Variants in CSMD1 observed in about 807,000 individuals in gnomAD.
The protein encoded by CSMD1 is CUB and Sushi multiple domains 1.
CSMD1 carries 213 observed loss-of-function variants against 417.5 expected under a neutral mutation model. The ratio of observed to expected loss-of-function variants is 0.51; its 90% CI spans 0.46 to 0.57. CSMD1 has a LOEUF of 0.57. CSMD1 is among the 20% of genes least tolerant of loss of function. The pLI is 0.00. For synonymous variants in CSMD1, 2,862 were observed against 1,736.8 expected (o/e 1.65, Z -16.11); for missense variants, 6,923 against 4,529.7 (o/e 1.53, Z -15.17).
At chr8:3,878,666 C>T (rs893385931) in intron 5 of CSMD1, among the ~76,000 whole-genome samples, 2 of 152,156 alleles carry the variant, frequency 1.3e-5, no homozygotes, top group Non-Finnish European at 2.9e-5. Context: ...TAAGTAGTTT[C>T]ATATTCAACT....
chr8:4,978,543 T>C (rs1810695459), intron 1 of CSMD1, among the ~76,000 whole-genome samples: 2 of 152,278 alleles, frequency 1.3e-5, no homozygotes, highest in South Asian at 4.1e-4. Context: ...GCCAAGTAAA[T>C]AAATTAACTA....
chr8:4,354,627 T>G (rs986974972), intron 3 of CSMD1, among the ~76,000 whole-genome samples: 1 of 152,142 alleles, frequency 6.6e-6, no homozygotes, highest in African/African-American at 2.4e-5. Context: ...AGAACGTGTC[T>G]ACTCAAAAAA....
rs116987104 is a variant in CSMD1 at position 3,717,864 on chromosome 8, C to T, written c.932-9373G>A. Among the ~76,000 whole-genome samples the T allele has an allele frequency of 7.0e-3, 1,064 of 152,116 alleles. 6 individuals are homozygous for T. Among genetic ancestry groups the T allele is most frequent in the South Asian group, 0.016 (78 of 4,816 alleles). ...CACTTACTACAATTGTACATTACAC[C>T]AATCACCTATCAAATTCTGCTCAGT... On this transcript the variant is annotated intron_variant, in intron 6 of 69. Transcript: ENST00000635120.
intron 3 of CSMD1, among the ~76,000 whole-genome samples, chr8:4,329,985 C>A (rs1455478518): frequency 1.3e-5 from 2 of 152,104 alleles, no homozygotes; most frequent in Non-Finnish European, 2.9e-5. Flanking sequence ...AAAAGCCAAG[C>A]AGATGCCAGC....
chr8:4,137,547 G>C lies in CSMD1; in HGVS notation c.416-105448C>G, dbSNP rs189720557. On this transcript the variant is annotated intron_variant, in intron 3 of 69. Transcript: ENST00000635120. ...GTGTTTAATATTCCATTTGTATTAT[G>C]TTTTCTTTGATGGTTACAAGATTTG... Among the ~76,000 whole-genome samples, 687 of 130,982 alleles carry C rather than the reference G, an allele frequency of 5.2e-3. 190 individuals carry two copies. Among genetic ancestry groups the C allele is most frequent in the Non-Finnish European group, 4.7e-3 (262 of 56,338 alleles). The allele number at this position is 130,982 out of a possible 152,430, so 85.9% of individuals were successfully genotyped here.
intron 33 of CSMD1, among the ~76,000 whole-genome samples, chr8:3,197,608 G>GCC (rs1796772352): frequency 6.6e-6 from 1 of 151,012 alleles, no homozygotes; most frequent in African/African-American, 2.4e-5. Flanking sequence ...TGGGACTACA[G>GCC]GTGCCCGCCA....
intron 18 of CSMD1, among the ~76,000 whole-genome samples, chr8:3,371,211 G>C (rs1052794549): frequency 1.3e-5 from 2 of 152,150 alleles, no homozygotes; most frequent in Non-Finnish European, 2.9e-5. Flanking sequence ...CCAAACACAT[G>C]AGCCAATTCC....
chr8:3,096,624 G>T (rs1355199324), intron 47 of CSMD1, among the ~76,000 whole-genome samples: 1 of 152,120 alleles, frequency 6.6e-6, no homozygotes, highest in Non-Finnish European at 1.5e-5. Context: ...TTTATCAGCA[G>T]CATGAAAATG....
intron 37 of CSMD1, among the ~76,000 whole-genome samples, chr8:3,168,627 T>G (rs1820381298): frequency 9.1e-6 from 1 of 109,916 alleles, no homozygotes; most frequent in South Asian, 4.2e-4. Flanking sequence ...TCAGTAAGTC[T>G]TCATCACACA....
intron 1 of CSMD1, among the ~76,000 whole-genome samples, chr8:4,860,107 T>C (rs1429293511): frequency 6.6e-6 from 1 of 151,728 alleles, no homozygotes; most frequent in Admixed American, 6.6e-5. Context: ...TCACGTCCTT[T>C]GTAGGGACAT....
chr8:3,963,623 T>C (rs989240705), intron 5 of CSMD1, among the ~76,000 whole-genome samples: 1 of 152,226 alleles, frequency 6.6e-6, no homozygotes. Context: ...GCACATATGG[T>C]ATATTGTTTC....
intron 3 of CSMD1, among the ~76,000 whole-genome samples, chr8:4,336,145 C>G (rs28662857): frequency 2.0e-5 from 3 of 152,166 alleles, no homozygotes; most frequent in South Asian, 4.1e-4. Context: ...TCACTTTAAG[C>G]TCTACCCTGA....
At chr8:3,227,892 C>A (rs749851386) in intron 27 of CSMD1, among the ~76,000 whole-genome samples, 3 of 151,880 alleles carry the variant, frequency 2.0e-5, no homozygotes, top group Non-Finnish European at 4.4e-5. Flanking sequence ...CTCAGCCTCC[C>A]AAGTAGCTGG....
intron 1 of CSMD1, among the ~76,000 whole-genome samples, chr8:4,905,099 AT>A (rs1352358790): frequency 6.6e-6 from 1 of 152,106 alleles, no homozygotes; most frequent in Admixed American, 6.5e-5. Flanking sequence ...CCTGTGGTGT[AT>A]TTTTAGTGCT....
intron 5 of CSMD1, among the ~76,000 whole-genome samples, chr8:3,854,712 C>T (rs149459202): frequency 4.8e-5 from 7 of 146,554 alleles, no homozygotes; most frequent in South Asian, 2.2e-4. Flanking sequence ...GATGAGACAG[C>T]GGGGGAAATG....
chr8:4,308,433 A>G (rs1798372031), intron 3 of CSMD1, among the ~76,000 whole-genome samples: 1 of 151,956 alleles, frequency 6.6e-6, no homozygotes. Flanking sequence ...AAGTCTGATG[A>G]TGGGAAAAAA....
At chr8:4,153,535 C>T (rs1039513186) in intron 3 of CSMD1, among the ~76,000 whole-genome samples, 3 of 152,222 alleles carry the variant, frequency 2.0e-5, no homozygotes, top group Non-Finnish European at 4.4e-5. Flanking sequence ...ACCAGCTGGT[C>T]CCTCGTCAGC....
intron 12 of CSMD1, among the ~76,000 whole-genome samples, chr8:3,423,020 C>A (rs1269531122): frequency 1.3e-5 from 2 of 152,168 alleles, no homozygotes; most frequent in Non-Finnish European, 2.9e-5. Flanking sequence ...ACAGGAGACA[C>A]CTTCAAACAC....
At chr8:4,623,611 T>C (rs1801904795) in intron 2 of CSMD1, among the ~76,000 whole-genome samples, 1 of 152,050 alleles carries the variant, frequency 6.6e-6, no homozygotes, top group Non-Finnish European at 1.5e-5. Flanking sequence ...ATAAACTAAA[T>C]GTGGCATAGC....
Sources: allele counts gnomAD v4.1 joint callset (sites outside exome capture counted in the v4.1 genomes callset), GRCh38; gene constraint gnomAD v4.1.1; transcripts MANE v1.5; gene names NCBI Gene and HGNC (gene_info 2026-07-23, HGNC 2026-07-21).